FAT3: variants seen among roughly 807,000 people sequenced by gnomAD.
The protein encoded by FAT3 is protocadherin Fat 3.
Under a neutral mutation model 310.2 loss-of-function variants are expected in FAT3, and 95 were observed. That is an observed-to-expected ratio of 0.31 (90% CI 0.26 to 0.36). The LOEUF is 0.36. Ranked by LOEUF, FAT3 falls within the 10% of genes least tolerant of loss-of-function variation. The pLI is 1.00. For missense variants in FAT3, 5,408 were observed against 5,715.6 expected, an observed-to-expected ratio of 0.95 and a Z score of 1.74; for synonymous variants, 2,314 against 2,192.9, an observed-to-expected ratio of 1.06 and a Z score of -1.54.
At chr11:92,703,782 T>C (rs1445548435) in intron 4 of FAT3, among the ~76,000 whole-genome samples, 3 of 152,266 alleles carry the variant, frequency 2.0e-5, no homozygotes, top group Non-Finnish European at 4.4e-5. Flanking sequence ...TTCTTAGAAT[T>C]AGTGTGGTTT....
At chr11:92,829,308 T>A (rs1354864411) in intron 13 of FAT3, among the ~76,000 whole-genome samples, 1 of 152,226 alleles carries the variant, frequency 6.6e-6, no homozygotes, top group Non-Finnish European at 1.5e-5. Context: ...ATGCCTGCAC[T>A]TCTTATTGGC....
intron 4 of FAT3, among the ~76,000 whole-genome samples, chr11:92,750,519 C>G (rs1470637780): frequency 6.6e-6 from 1 of 152,128 alleles, no homozygotes; most frequent in Non-Finnish European, 1.5e-5. Flanking sequence ...CAGAAAATGG[C>G]TGAGGAAAGC....
At chr11:92,556,940 G>T (rs1428559128) in intron 3 of FAT3, among the ~76,000 whole-genome samples, 1 of 151,984 alleles carries the variant, frequency 6.6e-6, no homozygotes, top group Admixed American at 6.6e-5. Context: ...TTATGCCCCT[G>T]ATCTAAACCT....
At chr11:92,254,432 G>A (rs1183391752) in intron 1 of FAT3, among the ~76,000 whole-genome samples, 2 of 152,100 alleles carry the variant, frequency 1.3e-5, no homozygotes, top group Admixed American at 6.5e-5. Flanking sequence ...GGCAATGTGC[G>A]TAAAGAAGTT....
chr11:92,333,064 G>A (rs1209564700), intron 1 of FAT3, among the ~76,000 whole-genome samples: 1 of 152,068 alleles, frequency 6.6e-6, no homozygotes, highest in Non-Finnish European at 1.5e-5. Context: ...ATAATTGATG[G>A]CTCCAAGGTC....
At position 92,695,051 on chromosome 11, in the gene FAT3, C is replaced by T. The variant is rs544125614; in HGVS notation, c.3608-2333C>T. Among the ~76,000 whole-genome samples the T allele has an allele frequency of 2.0e-5, 3 of 152,288 alleles. No homozygotes were observed. In the East Asian group the frequency reaches 5.8e-4, roughly 30 times the overall value. On this transcript the variant is annotated intron_variant, in intron 3 of 27. Coordinates refer to ENST00000525166, the MANE Select transcript of FAT3 (RefSeq NM_001367949.2). The stretch of plus-strand genomic sequence containing the variant: ...TGCCCTTTATTCCTCTCCTCACTTC[C>T]CCACAGCAGGCACTCACAGGCTATC...
chr11:92,598,427 G>A, intron 3 of FAT3, among the ~76,000 whole-genome samples: 1 of 151,790 alleles, frequency 6.6e-6, no homozygotes, highest in Non-Finnish European at 1.5e-5. Flanking sequence ...GTCTCACTAT[G>A]TTGCCCGGGC....
chr11:92,659,621 A>G (rs1461256732), intron 3 of FAT3, among the ~76,000 whole-genome samples: 1 of 152,214 alleles, frequency 6.6e-6, no homozygotes, highest in Non-Finnish European at 1.5e-5. Context: ...TCAGGTAAAA[A>G]CATTGGTTTC....
chr11:92,765,135 A>G, intron 6 of FAT3, 46 bp downstream of exon 6: 1 of 1,378,778 alleles, frequency 7.3e-7, no homozygotes, highest in Admixed American at 2.7e-5. Flanking sequence ...GTAATAATTG[A>G]CTGAAGCAAC....
chr11:92,708,483 A>G (rs532671432), intron 4 of FAT3, among the ~76,000 whole-genome samples: 1 of 152,358 alleles, frequency 6.6e-6, no homozygotes, highest in Non-Finnish European at 1.5e-5. Context: ...TAAAATTGGG[A>G]CAATAATAAT....
intron 2 of FAT3, among the ~76,000 whole-genome samples, chr11:92,369,796 G>A (rs757106965): frequency 6.6e-6 from 1 of 152,060 alleles, no homozygotes; most frequent in African/African-American, 2.4e-5. Flanking sequence ...TCAGTGAGCC[G>A]AGATTGCGCC....
chr11:92,821,081 T>A (rs1947956396), intron 13 of FAT3, among the ~76,000 whole-genome samples: 4 of 152,204 alleles, frequency 2.6e-5, no homozygotes, highest in Admixed American at 2.6e-4. Context: ...GCTATTCTCA[T>A]GGATTCATGG....
chr11:92,792,252 C>T (rs750961108), intron 8 of FAT3, among the ~76,000 whole-genome samples: 15 of 152,178 alleles, frequency 9.9e-5, no homozygotes, highest in Non-Finnish European at 2.2e-4. Context: ...TTCTTGAGGG[C>T]AGGAACTGTA....
chr11:92,575,271 C>T (rs931236992), intron 3 of FAT3, among the ~76,000 whole-genome samples: 6 of 152,222 alleles, frequency 3.9e-5, no homozygotes, highest in Admixed American at 3.3e-4. Context: ...CAATACGGTT[C>T]TCTTGGCTTC....
intron 8 of FAT3, 58 bp downstream of exon 8, chr11:92,790,276 A>G: frequency 6.4e-7 from 1 of 1,556,244 alleles, no homozygotes; most frequent in Non-Finnish European, 8.7e-7. Flanking sequence ...CAGGCCACAC[A>G]CATTAGCCTT....
At chr11:92,502,971 T>G (rs1952988546) in intron 2 of FAT3, among the ~76,000 whole-genome samples, 1 of 152,096 alleles carries the variant, frequency 6.6e-6, no homozygotes, top group South Asian at 2.1e-4. Flanking sequence ...GTACGTACAG[T>G]GAAGTAAACA....
At chr11:92,366,751 C>T in intron 2 of FAT3, 1 of 534,284 alleles carries the variant, frequency 1.9e-6, no homozygotes, top group Non-Finnish European at 3.8e-6. Flanking sequence ...TTTCTTCATT[C>T]CAAAAGAGTA....
At chr11:92,345,838 C>T (rs562796268) in intron 1 of FAT3, among the ~76,000 whole-genome samples, 1 of 152,184 alleles carries the variant, frequency 6.6e-6, no homozygotes, top group Non-Finnish European at 1.5e-5. Context: ...ATCACATAAC[C>T]TGTCTCAATC....
At chr11:92,438,711 A>G (rs1395689655) in intron 2 of FAT3, among the ~76,000 whole-genome samples, 5 of 152,216 alleles carry the variant, frequency 3.3e-5, no homozygotes, top group Non-Finnish European at 7.3e-5. Context: ...CAAGGTCAGG[A>G]CAGTTGCAAT....
Sources: allele counts gnomAD v4.1 joint callset (sites outside exome capture counted in the v4.1 genomes callset), GRCh38; gene constraint gnomAD v4.1.1; transcripts MANE v1.5; gene names NCBI Gene and HGNC (gene_info 2026-07-23, HGNC 2026-07-21).